The following FGF7 variants were observed in gnomAD, a reference collection of about 807,000 sequenced individuals.
FGF7 encodes the protein fibroblast growth factor 7, also known as FGF-7.
FGF7 carries 6 observed loss-of-function variants against 20.5 expected under a neutral mutation model. The observed-to-expected ratio is 0.29, with a 90% CI of 0.16 to 0.58. FGF7 has a LOEUF of 0.58. Among genes scored for constraint, FGF7 ranks in the 20% least tolerant of loss-of-function variants. FGF7 has a pLI of 0.90. For missense variants in FGF7, 144 were observed against 228.8 expected, an observed-to-expected ratio of 0.63 and a Z score of 2.39; for synonymous variants, 64 against 74.7, an observed-to-expected ratio of 0.86 and a Z score of 0.74.
chr15:49,427,301 TTGAA>T (rs1462592974), intron 2 of FGF7, among the ~76,000 whole-genome samples: 2 of 152,046 alleles, frequency 1.3e-5, no homozygotes, highest in South Asian at 2.1e-4. Context: ...CAATCATTAA[TTGAA>T]TGAATGGACA....
rs2050760963 is a variant in FGF7, at chr15:49,433,094, A to G, written c.286+8511A>G. ...TTTACTGGCTAAAAATTATTTAGAA[A>G]TTTAACATAATCTGATGAAAGGACT... On this transcript the variant is annotated intron_variant, in intron 2 of 3. Transcript: ENST00000267843. 4.0e-5 allele frequency among the ~76,000 whole-genome samples: 6 copies of G among 151,054 alleles called. No individual in the cohort carries two copies. The South Asian group carries it at 1.2e-3, about 31-fold the overall frequency.
intron 2 of FGF7, among the ~76,000 whole-genome samples, chr15:49,471,078 C>T (rs1175415650): frequency 1.3e-5 from 2 of 152,224 alleles, no homozygotes; most frequent in East Asian, 1.9e-4. Flanking sequence ...TTCTATGCTA[C>T]AGCTTATTAG....
intron 2 of FGF7, among the ~76,000 whole-genome samples, chr15:49,448,843 C>G (rs532149181): frequency 2.6e-5 from 4 of 151,880 alleles, no homozygotes; most frequent in African/African-American, 9.6e-5. Context: ...AGAATGAACC[C>G]TCTACAATTT....
At chr15:49,431,410 G>A (rs1258137027) in intron 2 of FGF7, among the ~76,000 whole-genome samples, 2 of 151,782 alleles carry the variant, frequency 1.3e-5, no homozygotes, top group African/African-American at 4.8e-5. Context: ...CTATGTGTAT[G>A]AAAGGGTTTG....
At chr15:49,475,645 A>AT (rs1021529168) in intron 2 of FGF7, among the ~76,000 whole-genome samples, 16 of 151,884 alleles carry the variant, frequency 1.1e-4, no homozygotes, top group African/African-American at 2.9e-4. Flanking sequence ...ACAATTTGAT[A>AT]TTTTTTTTAC....
intron 2 of FGF7, among the ~76,000 whole-genome samples, chr15:49,432,575 T>C (rs1005797328): frequency 1.3e-5 from 2 of 151,618 alleles, no homozygotes; most frequent in African/African-American, 2.4e-5. Context: ...TTGAGAGCTA[T>C]TGTCTAAGGA....
intron 2 of FGF7, among the ~76,000 whole-genome samples, chr15:49,465,415 C>T (rs889137976): frequency 1.3e-4 from 19 of 151,816 alleles, no homozygotes; most frequent in African/African-American, 3.6e-4. Flanking sequence ...GGATTACAGG[C>T]GTGAGCCACC....
intron 2 of FGF7, among the ~76,000 whole-genome samples, chr15:49,473,616 C>A (rs2054986502): frequency 6.6e-6 from 1 of 151,954 alleles, no homozygotes; most frequent in African/African-American, 2.4e-5. Context: ...TGACTCTCTA[C>A]CCCAGCAATA....
At position 49,424,519 on chromosome 15, in the gene FGF7, G is replaced by A. The variant is rs183624878; in HGVS notation, c.222G>A (p.Gln74=). The A allele has an allele frequency of 6.2e-7, 1 of 1,612,302 alleles. No homozygotes were observed. The highest frequency in any genetic ancestry group is 8.5e-7 in the Non-Finnish European group (1 of 1,178,764). The change falls in exon 2 of 4, where the codon CAG becomes CAA. Residue 74 remains glutamine, a synonymous_variant. Transcript: ENST00000267843. ...IRVRRLFCRT[Q]WYLRIDKRGK... Reference sequence around the variant, plus strand: ...TGAGAAGACTCTTCTGTCGAACACAGTGGTACCTGAGGATCGATAAAAGAG... The same window carrying A: ...TGAGAAGACTCTTCTGTCGAACACAATGGTACCTGAGGATCGATAAAAGAG...
intron 2 of FGF7, among the ~76,000 whole-genome samples, chr15:49,455,146 G>T (rs1263947333): frequency 6.6e-6 from 1 of 152,082 alleles, no homozygotes; most frequent in Non-Finnish European, 1.5e-5. Context: ...CTGTTAATTG[G>T]CGTCTCAGGT....
intron 2 of FGF7, among the ~76,000 whole-genome samples, chr15:49,467,265 T>G (rs936577383): frequency 6.6e-6 from 1 of 152,168 alleles, no homozygotes; most frequent in Non-Finnish European, 1.5e-5. Flanking sequence ...AAAACGTTAA[T>G]GAAAGTTTCT....
intron 2 of FGF7, among the ~76,000 whole-genome samples, chr15:49,455,990 A>G (rs2053248617): frequency 6.6e-6 from 1 of 152,108 alleles, no homozygotes; most frequent in South Asian, 2.1e-4. Context: ...AGAGCTTTCT[A>G]TTGACATAAA....
chr15:49,477,893 T>C (rs1597450868), intron 2 of FGF7, among the ~76,000 whole-genome samples: 2 of 152,220 alleles, frequency 1.3e-5, no homozygotes, highest in Non-Finnish European at 2.9e-5. Context: ...AGGTATCTCA[T>C]TGTTGTTTTA....
chr15:49,434,371 T>C (rs901893751), intron 2 of FGF7: 1 of 151,556 alleles, frequency 6.6e-6, no homozygotes, highest in Non-Finnish European at 1.5e-5. Context: ...ATACAGTCCA[T>C]GCTTTTACAG....
At chr15:49,471,845 C>G (rs1274168680) in intron 2 of FGF7, among the ~76,000 whole-genome samples, 1 of 151,970 alleles carries the variant, frequency 6.6e-6, no homozygotes, top group Non-Finnish European at 1.5e-5. Flanking sequence ...AAAGGGCAGC[C>G]AGAAAAGACG....
At chr15:49,462,750 A>C (rs2053919142) in intron 2 of FGF7, among the ~76,000 whole-genome samples, 1 of 152,238 alleles carries the variant, frequency 6.6e-6, no homozygotes, top group South Asian at 2.1e-4. Context: ...TTTGAAAGAT[A>C]AGATATGATA....
chr15:49,452,336 A>G (rs1206364129), intron 2 of FGF7, among the ~76,000 whole-genome samples: 1 of 152,168 alleles, frequency 6.6e-6, no homozygotes, highest in Non-Finnish European at 1.5e-5. Context: ...TACAGGTGTG[A>G]GCCACTGCAC....
intron 2 of FGF7, among the ~76,000 whole-genome samples, chr15:49,460,269 A>G (rs1208320957): frequency 6.6e-6 from 1 of 152,206 alleles, no homozygotes; most frequent in Non-Finnish European, 1.5e-5. Context: ...CTGCACAATT[A>G]CTTACATAGT....
intron 2 of FGF7, among the ~76,000 whole-genome samples, chr15:49,457,047 G>A (rs1392580351): frequency 6.6e-6 from 1 of 152,054 alleles, no homozygotes; most frequent in Non-Finnish European, 1.5e-5. Context: ...CTCAAAGCCA[G>A]TATCATTTTT....
Sources: allele counts gnomAD v4.1 joint callset (sites outside exome capture counted in the v4.1 genomes callset), GRCh38; gene constraint gnomAD v4.1.1; transcripts MANE v1.5; gene names NCBI Gene and HGNC (gene_info 2026-07-23, HGNC 2026-07-21).